SDHAF4: variants seen among roughly 807,000 people sequenced by gnomAD.
SDHAF4 encodes succinate dehydrogenase assembly factor 4, mitochondrial.
Under a neutral mutation model 14.3 loss-of-function variants are expected in SDHAF4, and 14 were observed. That is an observed-to-expected ratio of 0.98 (90% CI 0.65 to 1.53). The LOEUF is 1.53. Among genes scored for constraint, SDHAF4 ranks in the 40% most tolerant of loss-of-function variants. The pLI is 0.00. For missense variants in SDHAF4, 141 were observed against 129.3 expected, an observed-to-expected ratio of 1.09 and a Z score of -0.44; for synonymous variants, 63 against 47.3, an observed-to-expected ratio of 1.33 and a Z score of -1.36.
chr6:70,593,620 C>G (rs866460781), downstream of SDHAF4, among the ~76,000 whole-genome samples: 1 of 152,166 alleles, frequency 6.6e-6, no homozygotes, highest in Non-Finnish European at 1.5e-5. Context: ...GAGACCCACT[C>G]CCTACCTCAG....
At chr6:70,590,242 A>C (rs926199081), downstream of SDHAF4, among the ~76,000 whole-genome samples, 1 of 152,164 alleles carries the variant, frequency 6.6e-6, no homozygotes, top group Non-Finnish European at 1.5e-5. Flanking sequence ...TGTCTCAAAA[A>C]AAAAAATAAA....
chr6:70,597,981 A>G, the SDHAF4 span, among the ~76,000 whole-genome samples: 3 of 152,372 alleles, frequency 2.0e-5, no homozygotes, highest in East Asian at 3.9e-4. Context: ...CGAACTAACA[A>G]TGAATATGAG....
intron 1 of SDHAF4, among the ~76,000 whole-genome samples, chr6:70,570,843 A>G (rs1329771604): frequency 6.6e-6 from 1 of 152,096 alleles, no homozygotes; most frequent in Non-Finnish European, 1.5e-5. Flanking sequence ...CTCAGGGAAG[A>G]GTTCTAGCTA....
intron 2 of SDHAF4, among the ~76,000 whole-genome samples, chr6:70,582,915 A>G (rs1295428288): frequency 3.9e-5 from 6 of 152,162 alleles, no homozygotes; most frequent in Admixed American, 3.9e-4. Flanking sequence ...AAAAGAGTAG[A>G]TTTCATTATT....
chr6:70,571,937 A>T (rs943455266), intron 1 of SDHAF4, among the ~76,000 whole-genome samples: 1 of 151,704 alleles, frequency 6.6e-6, no homozygotes, highest in Admixed American at 6.6e-5. Flanking sequence ...GTATTTTTTT[A>T]AAATTTTCTG....
intron 1 of SDHAF4, among the ~76,000 whole-genome samples, chr6:70,570,715 G>C (rs1405452468): frequency 6.8e-6 from 1 of 146,456 alleles, no homozygotes; most frequent in Non-Finnish European, 1.5e-5. Flanking sequence ...ATTATAAAGG[G>C]AATGCATTTC....
At chr6:70,577,730 G>A (rs968163533) in intron 1 of SDHAF4, among the ~76,000 whole-genome samples, 2 of 152,038 alleles carry the variant, frequency 1.3e-5, no homozygotes, top group South Asian at 2.1e-4. Context: ...CCTGACAGTC[G>A]TACCCAGTTT....
At chr6:70,570,793 A>G (rs1802169433) in intron 1 of SDHAF4, among the ~76,000 whole-genome samples, 1 of 152,130 alleles carries the variant, frequency 6.6e-6, no homozygotes, top group South Asian at 2.1e-4. Context: ...TTAAGTCACC[A>G]TCTCCTAATA....
chr6:70,596,168 C>T, the SDHAF4 span, among the ~76,000 whole-genome samples: 101 of 152,238 alleles, frequency 6.6e-4, no homozygotes, highest in African/African-American at 2.3e-3. Flanking sequence ...ATGCGGTAGC[C>T]ATGGAAATGC....
At chr6:70,576,281 T>C (rs773834253) in intron 1 of SDHAF4, among the ~76,000 whole-genome samples, 18 of 152,236 alleles carry the variant, frequency 1.2e-4, no homozygotes, top group Non-Finnish European at 2.2e-4. Flanking sequence ...ACTACAAAAA[T>C]AGTTCTGTTT....
downstream of SDHAF4, among the ~76,000 whole-genome samples, chr6:70,594,358 G>A (rs1172612570): frequency 6.6e-6 from 1 of 152,158 alleles, no homozygotes; most frequent in African/African-American, 2.4e-5. Flanking sequence ...TTAATGAGAT[G>A]GGAAATCCAA....
intron 1 of SDHAF4, among the ~76,000 whole-genome samples, chr6:70,568,962 C>CT (rs5877254): frequency 0.4 from 39,105 of 97,836 alleles, 8,774 homozygotes; most frequent in East Asian, 0.71. Context: ...TTTCTTTTTT[C>CT]TTTTTTTTTT....
chr6:70,586,826 A>T (rs527657135), intron 2 of SDHAF4, among the ~76,000 whole-genome samples: 32 of 152,290 alleles, frequency 2.1e-4, no homozygotes, highest in African/African-American at 7.5e-4. Flanking sequence ...AAGGAATGGG[A>T]AGTATTGGGA....
intron 2 of SDHAF4, among the ~76,000 whole-genome samples, chr6:70,585,883 G>GT (rs1367783997): frequency 6.6e-6 from 1 of 152,152 alleles, no homozygotes; most frequent in African/African-American, 2.4e-5. Context: ...AAGAGATATA[G>GT]TTTGGGTAAT....
intron 1 of SDHAF4, among the ~76,000 whole-genome samples, chr6:70,568,680 T>G (rs1802136924): frequency 1.3e-5 from 2 of 152,024 alleles, no homozygotes; most frequent in Admixed American, 6.6e-5. Flanking sequence ...GTGGAAGGAG[T>G]AGAATTCCTG....
intron 2 of SDHAF4, among the ~76,000 whole-genome samples, chr6:70,588,120 T>C (rs1030348157): frequency 1.6e-4 from 25 of 152,262 alleles, no homozygotes; most frequent in African/African-American, 3.1e-4. Flanking sequence ...ATTTGTACTC[T>C]GTATTCTCTT....
At chr6:70,579,711 T>C (rs1349686407) in intron 2 of SDHAF4, 145 bp downstream of exon 2, 1 of 575,798 alleles carries the variant, frequency 1.7e-6, no homozygotes, top group Non-Finnish European at 2.8e-6. Flanking sequence ...AAAATCACCA[T>C]ATTGACCATC....
At chr6:70,594,062 C>G (rs956887046), downstream of SDHAF4, among the ~76,000 whole-genome samples, 2 of 152,178 alleles carry the variant, frequency 1.3e-5, no homozygotes, top group Non-Finnish European at 2.9e-5. Context: ...CTCCATTTTG[C>G]TCTCCTATTT....
chr6:70,573,007 G>A (rs370721712), intron 1 of SDHAF4, among the ~76,000 whole-genome samples: 83 of 151,978 alleles, frequency 5.5e-4, no homozygotes, highest in African/African-American at 2.0e-3. Context: ...ACAGAGTCTT[G>A]TCCTGTCACC....
Sources: allele counts gnomAD v4.1 joint callset (sites outside exome capture counted in the v4.1 genomes callset), GRCh38; gene constraint gnomAD v4.1.1; transcripts MANE v1.5; gene names NCBI Gene and HGNC (gene_info 2026-07-23, HGNC 2026-07-21).